Variants in UBE2K observed in about 807,000 individuals in gnomAD.
UBE2K encodes the protein ubiquitin-conjugating enzyme E2 K.
A neutral mutation model predicts 30.0 loss-of-function variants in UBE2K; 6 were observed. That is an observed-to-expected ratio of 0.20 (90% CI 0.11 to 0.39). UBE2K has a LOEUF of 0.39. UBE2K is among the 10% of genes least tolerant of loss of function. The pLI is 1.00. For missense variants in UBE2K, 61 were observed against 241.6 expected (o/e 0.25, Z 4.96); for synonymous variants, 86 against 83.7 (o/e 1.03, Z -0.15).
intron 5 of UBE2K, among the ~76,000 whole-genome samples, chr4:39,775,545 G>A (rs907930426): frequency 6.6e-6 from 1 of 152,148 alleles, no homozygotes; most frequent in African/African-American, 2.4e-5. Flanking sequence ...TTGAGGTCAG[G>A]AGTTCCAGAC....
intron 1 of UBE2K, among the ~76,000 whole-genome samples, chr4:39,723,362 C>CTTTTTT (rs529806724): frequency 2.8e-5 from 3 of 108,372 alleles, no homozygotes; most frequent in Admixed American, 1.2e-4. Flanking sequence ...GCTGTCTTCT[C>CTTTTTT]TTTTTTTTTT....
At position 39,754,752 on chromosome 4, in the gene UBE2K, C is replaced by T. The variant is rs572208233; in HGVS notation, c.217-905C>T. Among the ~76,000 whole-genome samples the T allele has an allele frequency of 4.6e-5, 7 of 152,192 alleles. No individual in the cohort carries two copies. The South Asian group carries it at 1.2e-3, about 27-fold the overall frequency. ...AACTCTTGGGCTAAAGTGATCCTCC[C>T]GCCTCAGCCTCCCAAAATGTTGAGA... is the stretch of plus-strand genomic sequence containing the variant. On this transcript the variant is annotated intron_variant, in intron 3 of 6. Transcript: ENST00000261427.
chr4:39,710,890 T>C (rs1718631529), intron 1 of UBE2K, among the ~76,000 whole-genome samples: 1 of 152,052 alleles, frequency 6.6e-6, no homozygotes, highest in South Asian at 2.1e-4. Context: ...AGTAATCTTC[T>C]CATACTGTGG....
Position 39,781,890 on chromosome 4 carries a change from T to A in UBE2K, c.*3456T>A. ...ATCAGTTTAAAGTAAATGCTTACCA[T>A]CAGCCAGTTGCTGTCACTGGGAAGA... On this transcript the variant is annotated 3_prime_UTR_variant, in exon 7 of 7. Coordinates refer to ENST00000261427, the MANE Select transcript of UBE2K (RefSeq NM_005339.5). The A allele has an allele frequency of 2.5e-6, 1 of 398,424 alleles. No homozygotes were observed. Among genetic ancestry groups the A allele is most frequent in the Middle Eastern group, 6.3e-4 (1 of 1,586 alleles). The allele number at this position is 398,424 out of a possible 1,614,324, so 24.7% of individuals were successfully genotyped here.
In UBE2K at chr4:39,755,804, A is replaced by C. The variant is rs185447606; in HGVS notation, c.299+65A>C. On this transcript the variant is annotated intron_variant, in intron 4 of 6. Coordinates refer to ENST00000261427, the MANE Select transcript of UBE2K (RefSeq NM_005339.5). Reference sequence around the variant, plus strand: ...AATACCAAGACTGTAAGAGTGTTAAATGTGTAATTGCCTCAAAACATATAT... The same window carrying C: ...AATACCAAGACTGTAAGAGTGTTAACTGTGTAATTGCCTCAAAACATATAT... The C allele has an allele frequency of 4.7e-5, 56 of 1,193,520 alleles. No homozygotes were observed. In the South Asian group the frequency reaches 4.9e-4, roughly 10 times the overall value. The allele number at this position is 1,193,520 out of a possible 1,614,324, so 73.9% of individuals were successfully genotyped here.
In UBE2K at chr4:39,751,064, T is replaced by C. The variant is rs1006098911; in HGVS notation, c.217-4593T>C. ...CCTGGCCCCTGAAGATTAAATTCTT[T>C]ATTGGATCATCTGCAAATTCAAAAT... On this transcript the variant is annotated intron_variant, in intron 3 of 6. Transcript: ENST00000261427. 3.3e-5 allele frequency among the ~76,000 whole-genome samples: 5 copies of C among 151,660 alleles called. No individual in the cohort carries two copies. The South Asian group carries it at 6.3e-4, about 19-fold the overall frequency.
rs770160239 is a variant in UBE2K, at chr4:39,745,742, AT to A, written c.158-3del. The A allele has an allele frequency of 8.2e-6, 13 of 1,594,478 alleles. No homozygotes were observed. The South Asian group carries it at 9.0e-5, about 11-fold the overall frequency. On this transcript the variant is annotated splice_polypyrimidine_tract_variant and intron_variant, in intron 2 of 6. Coordinates refer to ENST00000261427, the MANE Select transcript of UBE2K (RefSeq NM_005339.5). Reference sequence around the variant, plus strand: ...CAGCATTCTTAACTTTGTTTTCCCCATTTTTTTAGGAGGAAGATACCAACTA... The same window carrying A: ...CAGCATTCTTAACTTTGTTTTCCCCATTTTTTAGGAGGAAGATACCAACTA...
intron 4 of UBE2K, among the ~76,000 whole-genome samples, chr4:39,756,365 G>A (rs535721484): frequency 2.0e-5 from 3 of 152,208 alleles, no homozygotes; most frequent in Non-Finnish European, 4.4e-5. Context: ...GTCCTCATCT[G>A]CAAAATGGGT....
intron 1 of UBE2K, among the ~76,000 whole-genome samples, chr4:39,725,748 CCCT>C (rs1423903095): frequency 5.3e-5 from 8 of 152,134 alleles, no homozygotes; most frequent in African/African-American, 1.9e-4. Flanking sequence ...GTTCAAGTGA[CCCT>C]CCTGCTTCAG....
At chr4:39,757,106 A>G (rs969024055) in intron 4 of UBE2K, among the ~76,000 whole-genome samples, 5 of 146,994 alleles carry the variant, frequency 3.4e-5, no homozygotes, top group African/African-American at 9.9e-5. Context: ...GCTCACTGCA[A>G]CCTCTGCCTA....
chr4:39,750,789 A>C (rs568720463), intron 3 of UBE2K, among the ~76,000 whole-genome samples: 1 of 151,014 alleles, frequency 6.6e-6, no homozygotes, highest in South Asian at 2.1e-4. Context: ...TGTGTTGCCC[A>C]GGCTGGAGTA....
At chr4:39,769,397 C>A (rs566042806) in intron 4 of UBE2K, among the ~76,000 whole-genome samples, 2 of 146,668 alleles carry the variant, frequency 1.4e-5, no homozygotes, top group Non-Finnish European at 3.0e-5. Context: ...AGTGCCTTAC[C>A]CCCCCACCCC....
chr4:39,770,133 G>T, intron 4 of UBE2K: 1 of 1,596,890 alleles, frequency 6.3e-7, no homozygotes. Flanking sequence ...CACGTTCTCG[G>T]CGGTGGTCTT....
At chr4:39,759,339 C>T (rs1177574616) in intron 4 of UBE2K, among the ~76,000 whole-genome samples, 2 of 151,982 alleles carry the variant, frequency 1.3e-5, no homozygotes, top group Admixed American at 1.3e-4. Flanking sequence ...TGCAATGGTG[C>T]CATCTCTGCT....
chr4:39,702,713 T>G (rs1456939557), intron 1 of UBE2K, among the ~76,000 whole-genome samples: 1 of 152,240 alleles, frequency 6.6e-6, no homozygotes, highest in Non-Finnish European at 1.5e-5. Flanking sequence ...TAGCTTGATC[T>G]AGATTATTCT....
At chr4:39,699,748 G>T (rs1717903238) in intron 1 of UBE2K, among the ~76,000 whole-genome samples, 1 of 152,080 alleles carries the variant, frequency 6.6e-6, no homozygotes. Context: ...AGTATACATG[G>T]AGAAAAAATT....
At chr4:39,760,176 C>CAAAAAAA (rs71194913) in intron 4 of UBE2K, among the ~76,000 whole-genome samples, 2,542 of 77,134 alleles carry the variant, frequency 0.033, 393 homozygotes, top group African/African-American at 0.14. Context: ...GACTCTGTCA[C>CAAAAAAA]AAAAAAAAAA....
intron 4 of UBE2K, chr4:39,770,516 GC>G: frequency 1.2e-6 from 2 of 1,604,930 alleles, no homozygotes; most frequent in Non-Finnish European, 8.5e-7. Flanking sequence ...GTCCCTGGCT[GC>G]CCCCCGCCCC....
chr4:39,707,555 A>G (rs1718438926), intron 1 of UBE2K, among the ~76,000 whole-genome samples: 2 of 139,680 alleles, frequency 1.4e-5, no homozygotes, highest in Admixed American at 1.5e-4. Context: ...TTTTTTTGAG[A>G]TGGGGTCTCA....
Sources: gnomAD v4.1 joint callset for allele counts (sites outside exome capture counted in the v4.1 genomes callset) on GRCh38, gnomAD v4.1.1 for gene constraint, MANE v1.5 for transcripts, NCBI Gene and HGNC (gene_info 2026-07-23, HGNC 2026-07-21) for gene names.